Variants in ADAM7 observed in about 807,000 individuals in gnomAD.
ADAM7 encodes disintegrin and metalloproteinase domain-containing protein 7.
Under a neutral mutation model 102.9 loss-of-function variants are expected in ADAM7, and 97 were observed. That is an observed-to-expected ratio of 0.94 (90% CI 0.80 to 1.12). The LOEUF (loss-of-function observed/expected upper bound fraction) is 1.12. Ranked by LOEUF, ADAM7 falls within the 50% of genes most tolerant of loss-of-function variation. The probability of loss-of-function intolerance (pLI) is 0.00; values close to 1 mark genes in which losing one functional copy is unlikely to be tolerated. For missense variants in ADAM7, 991 were observed against 908.7 expected (o/e 1.09, Z -1.16); for synonymous variants, 334 against 304.4 (o/e 1.10, Z -1.01).
At chr8:24,494,569 C>T (rs536897385) in intron 16 of ADAM7, among the ~76,000 whole-genome samples, 10 of 152,282 alleles carry the variant, frequency 6.6e-5, no homozygotes, top group South Asian at 2.1e-4. Context: ...CCACGTACTC[C>T]GCATAGAGAG....
intron 16 of ADAM7, among the ~76,000 whole-genome samples, chr8:24,494,472 T>A (rs1368678332): frequency 6.6e-6 from 1 of 152,188 alleles, no homozygotes; most frequent in African/African-American, 2.4e-5. Context: ...AGTGCTTCCT[T>A]CTTTAAGAGT....
chr8:24,492,677 T>C (rs1341032790), intron 15 of ADAM7, 80 bp downstream of exon 15: 1 of 952,156 alleles, frequency 1.1e-6, no homozygotes, highest in Non-Finnish European at 1.6e-6. Context: ...TCCCCAGACC[T>C]GTTAATCTCT....
chr8:24,490,793 T>G lies in ADAM7; in HGVS notation c.1267-6T>G. On this transcript the variant is annotated splice_region_variant and splice_polypyrimidine_tract_variant and intron_variant, in intron 12 of 21. Coordinates refer to ENST00000175238, the MANE Select transcript of ADAM7 (RefSeq NM_003817.4). Reference sequence around the variant, plus strand: ...TTTCTCATCTCTCTTTTGTGGTTATTGCCAGGAGTGTACTAATCCTTGCTG... The same window carrying G: ...TTTCTCATCTCTCTTTTGTGGTTATGGCCAGGAGTGTACTAATCCTTGCTG... 6.2e-7 allele frequency: 1 copy of G among 1,612,210 alleles called. No individual in the cohort carries two copies.
Position 24,509,277 on chromosome 8 carries a change from T to C in ADAM7, c.*731T>C. 1 of 985,264 alleles carries C rather than the reference T, an allele frequency of 1.0e-6. No homozygotes were observed. The highest frequency in any genetic ancestry group is 1.2e-6 in the Non-Finnish European group (1 of 829,928). The allele number at this position is 985,264 out of a possible 1,614,324, so 61.0% of individuals were successfully genotyped here. On this transcript the variant is annotated 3_prime_UTR_variant, in exon 22 of 22. Coordinates refer to ENST00000175238, the MANE Select transcript of ADAM7 (RefSeq NM_003817.4). ...ACATACTCACAACTCCTATGAAGGG[T>C]TTCTAAGGTCTTTGTCCTGTGCAAT... is the stretch of plus-strand genomic sequence containing the variant.
Position 24,485,339 on chromosome 8 carries a change from AT to A in ADAM7, c.940del (p.Tyr314IlefsTer15). ...ISYPGGMCLPYYSTSIIKDLL... is the reference protein window; with the variant it reads ...ISYPGGMCLPXYSTSIIKDLL... ...TATCCAGGGGGTATGTGCCTGCCCTATTATTCCACCAGTATCATTAAGGTGG... is the reference window on the plus strand; with the variant it reads ...TATCCAGGGGGTATGTGCCTGCCCTATATTCCACCAGTATCATTAAGGTGG... On this transcript the variant is annotated frameshift_variant, in exon 10 of 22. Transcript: ENST00000175238. LOFTEE classifies it high-confidence loss of function. 6.2e-7 allele frequency: 1 copy of A among 1,613,616 alleles called. No homozygotes were observed. Among genetic ancestry groups the A allele is most frequent in the Middle Eastern group, 1.7e-4 (1 of 6,050 alleles).
In ADAM7 at chr8:24,474,643, C is replaced by A. The variant is rs949580205; in HGVS notation, c.634-1790C>A. On this transcript the variant is annotated intron_variant, in intron 7 of 21. Transcript: ENST00000175238. ...CAGTGGCTCACACCTGTAAACCCAG[C>A]ACTTTGAGAAGCCGAGGTGGGAGGA... 2.0e-5 allele frequency among the ~76,000 whole-genome samples: 3 copies of A among 152,004 alleles called. No individual in the cohort carries two copies. The South Asian group carries it at 6.2e-4, about 32-fold the overall frequency.
At chr8:24,463,595 T>C (rs1159954266) in intron 3 of ADAM7, among the ~76,000 whole-genome samples, 1 of 152,176 alleles carries the variant, frequency 6.6e-6, no homozygotes, top group African/African-American at 2.4e-5. Context: ...AATTTTGATC[T>C]CTGATTTTTG....
chr8:24,446,600 C>T (rs1818566566), intron 2 of ADAM7, among the ~76,000 whole-genome samples: 2 of 151,968 alleles, frequency 1.3e-5, no homozygotes, highest in Admixed American at 6.6e-5. Flanking sequence ...TCACATTGTG[C>T]TTAGCTGCCT....
intron 20 of ADAM7, among the ~76,000 whole-genome samples, chr8:24,505,315 G>T (rs1820913268): frequency 6.6e-6 from 1 of 152,060 alleles, no homozygotes; most frequent in Admixed American, 6.6e-5. Flanking sequence ...TCCTTTAAGG[G>T]CTTTTGGTTT....
intron 4 of ADAM7, among the ~76,000 whole-genome samples, 194 bp downstream of exon 4, chr8:24,464,154 A>G (rs1003366716): frequency 3.9e-5 from 6 of 152,218 alleles, no homozygotes; most frequent in African/African-American, 1.4e-4. Context: ...ACTGCCTAAC[A>G]AGCAAATCAA....
At chr8:24,498,619 A>G (rs1188928477) in intron 16 of ADAM7, among the ~76,000 whole-genome samples, 3 of 151,600 alleles carry the variant, frequency 2.0e-5, no homozygotes, top group Non-Finnish European at 3.0e-5. Context: ...AAATGTAAAT[A>G]TAATCTTTGA....
intron 3 of ADAM7, among the ~76,000 whole-genome samples, chr8:24,450,469 A>C (rs1369454333): frequency 6.6e-6 from 1 of 151,600 alleles, no homozygotes; most frequent in Admixed American, 6.6e-5. Flanking sequence ...ATTGGTGTAT[A>C]AGAATGCTTG....
intron 9 of ADAM7, among the ~76,000 whole-genome samples, chr8:24,483,975 A>G (rs1330484187): frequency 6.6e-6 from 1 of 152,124 alleles, no homozygotes; most frequent in African/African-American, 2.4e-5. Context: ...GGGACTTCTT[A>G]TGTGTTAAGT....
chr8:24,487,440 A>G (rs2129390227), intron 11 of ADAM7, 123 bp downstream of exon 11: 3 of 1,226,900 alleles, frequency 2.4e-6, no homozygotes, highest in South Asian at 3.3e-5. Flanking sequence ...TGAGGTCAGG[A>G]GTTCGAGACC....
chr8:24,473,602 A>G (rs1229640462), intron 7 of ADAM7, among the ~76,000 whole-genome samples: 1 of 152,156 alleles, frequency 6.6e-6, no homozygotes, highest in African/African-American at 2.4e-5. Context: ...AGATATAGAT[A>G]CCTGTAAGAG....
chr8:24,486,878 A>G (rs1442797731), intron 10 of ADAM7, among the ~76,000 whole-genome samples: 1 of 152,234 alleles, frequency 6.6e-6, no homozygotes, highest in Non-Finnish European at 1.5e-5. Flanking sequence ...TCATAATAAC[A>G]TTAGTTCATA....
rs1820423691 is a variant in ADAM7 at position 24,493,075 on chromosome 8, G to T, written c.1688G>T (p.Gly563Val). Reference protein sequence around the residue: ...DVRCGKIYCTGGELSSLLGED... With the variant: ...DVRCGKIYCTVGELSSLLGED... ...AGATGTGGAAAGATCTACTGCACTG[G>T]AGGGGAGCTTTCCTCTCTCCTTGGA... is the stretch of plus-strand genomic sequence containing the variant. The change falls in exon 16 of 22, where the codon GGA (glycine) becomes GTA (valine). Residue 563 changes from glycine to valine, a missense_variant. Physicochemically the swap from Gly to Val is moderately radical, Grantham distance 109. Transcript: ENST00000175238. 6 of 1,608,560 alleles carry T rather than the reference G, an allele frequency of 3.7e-6. No homozygotes were observed. The highest frequency in any genetic ancestry group is 5.1e-6 in the Non-Finnish European group (6 of 1,177,886).
chr8:24,492,639 C>A (rs758439418), intron 15 of ADAM7, 42 bp downstream of exon 15: 46 of 1,455,006 alleles, frequency 3.2e-5, no homozygotes, highest in Non-Finnish European at 4.4e-5. Flanking sequence ...CTTCTTACAG[C>A]ACTTTGTCAA....
rs760886626 is a variant in ADAM7, at chr8:24,463,846, G to C, written c.234-36G>C. 3.2e-6 allele frequency: 5 copies of C among 1,565,806 alleles called. No homozygotes were observed. The Admixed American group carries it at 8.4e-5, about 26-fold the overall frequency. ...GTTTTATCTGTCAGGTTTTTAGAAC[G>C]AACAAATCTCACCACCTGTCTGCCC... On this transcript the variant is annotated intron_variant, in intron 3 of 21. Transcript: ENST00000175238.
Sources: gnomAD v4.1 joint callset for allele counts (sites outside exome capture counted in the v4.1 genomes callset) on GRCh38, gnomAD v4.1.1 for gene constraint, MANE v1.5 for transcripts, NCBI Gene and HGNC (gene_info 2026-07-23, HGNC 2026-07-21) for gene names.